HSH2D: variants seen among roughly 807,000 people sequenced by gnomAD.
HSH2D encodes the protein hematopoietic SH2 domain-containing protein.
A neutral mutation model predicts 21.5 loss-of-function variants in HSH2D; 16 were observed. The ratio of observed to expected loss-of-function variants is 0.74; its 90% CI spans 0.50 to 1.13. HSH2D has a LOEUF of 1.13. HSH2D is among the 50% of genes most tolerant of loss of function. HSH2D has a pLI of 0.00. For synonymous variants in HSH2D, 172 were observed against 184.7 expected (o/e 0.93, Z 0.56); for missense variants, 418 against 441.4 (o/e 0.95, Z 0.47).
intron 2 of HSH2D, among the ~76,000 whole-genome samples, chr19:16,151,052 G>C (rs185553040): frequency 3.3e-5 from 5 of 152,080 alleles, no homozygotes; most frequent in East Asian, 3.9e-4. Flanking sequence ...GACTGATTTC[G>C]GTGGCTCACG....
At chr19:16,143,890 A>G (rs56125298) in intron 1 of HSH2D, 116 bp downstream of exon 1, 30,346 of 262,558 alleles carry the variant, frequency 0.12, 2,121 homozygotes, top group Middle Eastern at 0.16. Context: ...TTCTAGGGGC[A>G]TGGGGGAGAG....
intron 4 of HSH2D, 144 bp downstream of exon 4, chr19:16,153,352 C>T: frequency 1.3e-6 from 1 of 769,466 alleles, no homozygotes; most frequent in Non-Finnish European, 2.0e-6. Context: ...CCCAGTAGTC[C>T]CTCTGCCCCC....
chr19:16,143,815 G>A (rs186261698), intron 1 of HSH2D, 41 bp downstream of exon 1: 10 of 414,496 alleles, frequency 2.4e-5, no homozygotes, highest in Middle Eastern at 6.9e-4. Context: ...GAGACAGAAC[G>A]TGGGGGCTGG....
intron 2 of HSH2D, among the ~76,000 whole-genome samples, chr19:16,150,305 C>T (rs1039592722): frequency 1.3e-5 from 2 of 151,874 alleles, no homozygotes; most frequent in African/African-American, 4.8e-5. Flanking sequence ...TTTGGGAGGC[C>T]GAGGCTGGCA....
chr19:16,137,850 C>G (rs1169849162), intron 1 of HSH2D, among the ~76,000 whole-genome samples: 1 of 152,116 alleles, frequency 6.6e-6, no homozygotes, highest in Non-Finnish European at 1.5e-5. Context: ...GTTGGGATTA[C>G]AGGTGTGAGC....
chr19:16,153,143 G>T lies in HSH2D; in HGVS notation c.316G>T (p.Val106Phe), dbSNP rs1209425834. The T allele has an allele frequency of 6.3e-7, 1 of 1,587,632 alleles. No homozygotes were observed. Among genetic ancestry groups the T allele is most frequent in the Middle Eastern group, 2.0e-4 (1 of 5,028 alleles). The change falls in exon 4 of 6, where the codon GTC becomes TTC. Residue 106 changes from valine to phenylalanine, a missense_variant. Physicochemically the swap from Val to Phe is conservative, Grantham distance 50 (BLOSUM62 -1). Transcript: ENST00000613986. ...GGCCCACACCTCGCTGGACGCCCTG[G>T]TCACCTTCCACCAGCAGAAGCCAAT... Reference protein sequence around the residue: ...KVAHTSLDALVTFHQQKPIEP... With the variant: ...KVAHTSLDALFTFHQQKPIEP...
upstream of HSH2D, among the ~76,000 whole-genome samples, chr19:16,141,663 C>G (rs1160609706): frequency 6.6e-6 from 1 of 152,184 alleles, no homozygotes. Flanking sequence ...GCGGCCCACA[C>G]CTGTAATCCC....
intron 1 of HSH2D, 136 bp from the exon 2 acceptor site, chr19:16,148,588 A>T: frequency 1.3e-6 from 1 of 789,734 alleles, no homozygotes; most frequent in Non-Finnish European, 2.0e-6. Context: ...ACCCAGCCAC[A>T]AGCCAGTTTT....
In HSH2D at chr19:16,157,634, T is replaced by C; in HGVS notation, c.899T>C (p.Ile300Thr). 6.2e-7 allele frequency: 1 copy of C among 1,613,710 alleles called. No homozygotes were observed. The highest frequency in any genetic ancestry group is 8.5e-7 in the Non-Finnish European group (1 of 1,179,768). ...AAGGCCGAGAGGTCGGTCAGCTGCA[T>C]TGAGGTGACCCCAGGGGACAGGAGT... Reference protein sequence around the residue: ...TRKAERSVSCIEVTPGDRSWH... With the variant: ...TRKAERSVSCTEVTPGDRSWH... The change falls in exon 6 of 6, where the codon ATT (isoleucine) becomes ACT (threonine). Residue 300 changes from isoleucine (I) to threonine (T), a missense_variant. Transcript: ENST00000613986. This position sits in a 1 kb window ranked among gnomAD's most constrained non-coding sequence, Gnocchi z 4.4.
At chr19:16,152,478 C>T in intron 2 of HSH2D, 74 bp from the exon 3 acceptor site, 1 of 833,736 alleles carries the variant, frequency 1.2e-6, no homozygotes, top group Non-Finnish European at 1.7e-6. Context: ...TGAATGATCC[C>T]ATGGCCCCAG....
At chr19:16,135,329 TGAG>T (rs1453293611) in intron 1 of HSH2D, among the ~76,000 whole-genome samples, 1 of 151,856 alleles carries the variant, frequency 6.6e-6, no homozygotes, top group East Asian at 1.9e-4. Flanking sequence ...CTCAGGAGGC[TGAG>T]GAGGGAGGAT....
upstream of HSH2D, among the ~76,000 whole-genome samples, chr19:16,142,533 A>T (rs553286222): frequency 3.3e-5 from 5 of 151,980 alleles, no homozygotes; most frequent in African/African-American, 9.6e-5. Context: ...GTGAGATCTC[A>T]GCAAACCGCA....
In HSH2D at chr19:16,157,729, C is replaced by T. The variant is rs2145067459; in HGVS notation, c.994C>T (p.Pro332Ser). The T allele has an allele frequency of 4.3e-6, 7 of 1,613,016 alleles. No individual in the cohort carries two copies. Among genetic ancestry groups the T allele is most frequent in the Non-Finnish European group, 5.9e-6 (7 of 1,179,698 alleles). Residue 332 changes from proline to serine, a missense_variant, in exon 6 of 6, where the codon CCT becomes TCT. Coordinates refer to ENST00000613986, the MANE Select transcript of HSH2D (RefSeq NM_001382417.1). This position sits in a 1 kb window ranked among gnomAD's most constrained non-coding sequence, Gnocchi z 4.4. Reference protein sequence around the residue: ...SKPEHQGLAEPENDQLPEEYQ... With the variant: ...SKPEHQGLAESENDQLPEEYQ... Reference sequence around the variant, plus strand: ...GCCAGAGCACCAGGGCTTGGCAGAGCCTGAGAACGACCAGCTCCCGGAGGA... The same window carrying T: ...GCCAGAGCACCAGGGCTTGGCAGAGTCTGAGAACGACCAGCTCCCGGAGGA...
chr19:16,154,592 C>T lies in HSH2D; in HGVS notation c.474+101C>T, dbSNP rs1007354228. On this transcript the variant is annotated intron_variant, in intron 5 of 5. Transcript: ENST00000613986. Reference sequence around the variant, plus strand: ...GGAGGCTCCTTCTAGAATGAGAATGCGATCCTACAGCTTGGTGCTTTAAAC... The same window carrying T: ...GGAGGCTCCTTCTAGAATGAGAATGTGATCCTACAGCTTGGTGCTTTAAAC... 74 of 649,700 alleles carry T rather than the reference C, an allele frequency of 1.1e-4. 1 individual carries two copies. The Middle Eastern group carries it at 1.9e-3, about 17-fold the overall frequency. 40.2% of individuals were successfully genotyped at this position (649,700 alleles called of 1,614,324 possible).
intron 1 of HSH2D, among the ~76,000 whole-genome samples, chr19:16,144,786 G>A (rs1202043723): frequency 1.2e-4 from 17 of 137,006 alleles, no homozygotes; most frequent in Admixed American, 3.4e-4. Context: ...TCTGCCTCCC[G>A]AGTTCACGCC....
chr19:16,153,962 G>A lies in HSH2D; in HGVS notation c.382-437G>A, dbSNP rs190125292. ...CAGGGCATCTTTCCTTATAGGGCTT[G>A]GTGTGCCTGGCCTAGCTCCCAAGAA... On this transcript the variant is annotated intron_variant, in intron 4 of 5. Transcript: ENST00000613986. Among the ~76,000 whole-genome samples the A allele has an allele frequency of 3.2e-3, 444 of 138,584 alleles. 2 individuals carry two copies. The highest frequency in any genetic ancestry group is 0.011 in the African/African-American group (392 of 36,286). The allele number at this position is 138,584 out of a possible 152,430, so 90.9% of individuals were successfully genotyped here. A position where few individuals can be genotyped will look rare whatever the true frequency, so the allele number is the denominator to read the frequency against.
At chr19:16,136,705 T>C (rs2090966407) in intron 1 of HSH2D, among the ~76,000 whole-genome samples, 2 of 152,042 alleles carry the variant, frequency 1.3e-5, no homozygotes, top group African/African-American at 4.8e-5. Context: ...TTACCACGTG[T>C]ACAGTAAAGG....
At chr19:16,135,436 A>G (rs1681763700) in intron 1 of HSH2D, among the ~76,000 whole-genome samples, 1 of 151,874 alleles carries the variant, frequency 6.6e-6, no homozygotes, top group Non-Finnish European at 1.5e-5. Context: ...CTCAAAAAAA[A>G]AACAAAAAAC....
chr19:16,149,294 C>G (rs1568330217), intron 2 of HSH2D, among the ~76,000 whole-genome samples: 2 of 146,494 alleles, frequency 1.4e-5, no homozygotes, highest in East Asian at 1.9e-4. Context: ...CCTCTGCCTC[C>G]CGGACTCAAG....
Sources: gnomAD v4.1 joint callset for allele counts (sites outside exome capture counted in the v4.1 genomes callset) on GRCh38, gnomAD v4.1.1 for gene constraint, Gnocchi (gnomAD v3.1) non-coding constraint, MANE v1.5 for transcripts, NCBI Gene and HGNC (gene_info 2026-07-23, HGNC 2026-07-21) for gene names.